The following RLN2 variants were observed in gnomAD, a reference collection of about 807,000 sequenced individuals.
The protein encoded by RLN2 is prorelaxin H2.
In RLN2, 10 loss-of-function variants were observed where a neutral mutation model predicts 7.3. That is an observed-to-expected ratio of 1.36 (90% CI 0.84 to 2.31). RLN2 has a LOEUF of 2.31. Among genes scored for constraint, RLN2 ranks in the 30% most tolerant of loss-of-function variants. The probability of loss-of-function intolerance (pLI) is 0.00; values close to 1 mark genes in which losing one functional copy is unlikely to be tolerated. For synonymous variants in RLN2, 103 were observed against 82.3 expected, an observed-to-expected ratio of 1.25 and a Z score of -1.36; for missense variants, 298 against 217.6, an observed-to-expected ratio of 1.37 and a Z score of -2.32.
chr9:5,320,253 T>C, the RLN2 span, among the ~76,000 whole-genome samples: 2 of 151,832 alleles, frequency 1.3e-5, no homozygotes, highest in Non-Finnish European at 2.9e-5. Context: ...CCCAATGTGC[T>C]GGGATTACAG....
the RLN2 span, among the ~76,000 whole-genome samples, chr9:5,312,261 C>T: frequency 3.3e-5 from 5 of 152,078 alleles, no homozygotes; most frequent in African/African-American, 1.2e-4. Flanking sequence ...TCTCCCTTTC[C>T]ATCTTTCAGC....
At chr9:5,313,230 G>A in the RLN2 span, among the ~76,000 whole-genome samples, 1 of 151,898 alleles carries the variant, frequency 6.6e-6, no homozygotes, top group South Asian at 2.1e-4. Context: ...ATTAATATTT[G>A]TGTTATGAAT....
At position 5,304,640 on chromosome 9, in the gene RLN2, G is replaced by A. The variant is rs1563735950; in HGVS notation, c.-60C>T. Reference sequence around the variant, plus strand: ...GCAGCCTTTCAGGACTGCAGCTGCTGTGGCCTACACACCTGGGCCTGTGTG... The same window carrying A: ...GCAGCCTTTCAGGACTGCAGCTGCTATGGCCTACACACCTGGGCCTGTGTG... On this transcript the variant is annotated 5_prime_UTR_variant, in exon 1 of 2. Transcript: ENST00000381627. The A allele has an allele frequency of 3.2e-6, 5 of 1,550,028 alleles. No individual in the cohort carries two copies. The highest frequency in any genetic ancestry group is 1.4e-5 in the African/African-American group (1 of 73,540).
the RLN2 span, among the ~76,000 whole-genome samples, chr9:5,328,819 A>C: frequency 2.0e-5 from 3 of 152,168 alleles, no homozygotes; most frequent in African/African-American, 7.2e-5. Flanking sequence ...AGAATCTCAT[A>C]TCCAGCCAAA....
the RLN2 span, among the ~76,000 whole-genome samples, chr9:5,312,224 G>C: frequency 6.6e-6 from 1 of 151,890 alleles, no homozygotes. Context: ...TTGTGGTATG[G>C]AAAAACAAAT....
the RLN2 span, among the ~76,000 whole-genome samples, chr9:5,316,311 CT>C: frequency 1.8e-4 from 28 of 151,738 alleles, 1 homozygote; most frequent in South Asian, 4.6e-3. Flanking sequence ...ACTGATTTCT[CT>C]TTTTTTTATT....
Position 5,300,371 on chromosome 9 carries a change from T to C in RLN2, c.285A>G (p.Pro95=). ...NMMSEFVANL[P]QELKLTLSEM... ...CAGACAGGGTTAACTTCAGCTCCTG[T>C]GGCAAATTAGCAACAAATTCTGACA... Residue 95 remains proline, a synonymous_variant, in exon 2 of 2, where the codon CCA becomes CCG. Transcript: ENST00000381627. 1 of 1,613,912 alleles carries C rather than the reference T, an allele frequency of 6.2e-7. No individual in the cohort carries two copies. The highest frequency in any genetic ancestry group is 8.5e-7 in the Non-Finnish European group (1 of 1,179,928).
upstream of RLN2, chr9:5,304,882 T>C (rs1448347157): frequency 5.3e-6 from 2 of 377,716 alleles, no homozygotes; most frequent in Non-Finnish European, 9.7e-6. Flanking sequence ...GTTCTTCTCA[T>C]TCATTACCCT....
At chr9:5,332,480 G>A in the RLN2 span, among the ~76,000 whole-genome samples, 1 of 151,912 alleles carries the variant, frequency 6.6e-6, no homozygotes, top group Non-Finnish European at 1.5e-5. Context: ...TTATTTTGTT[G>A]AATTTACATC....
At position 5,300,015 on chromosome 9, in the gene RLN2, G is replaced by C; in HGVS notation, c.*83C>G. On this transcript the variant is annotated 3_prime_UTR_variant, in exon 2 of 2. Coordinates refer to ENST00000381627, the MANE Select transcript of RLN2 (RefSeq NM_134441.3). ...AAGATTCTTAGATATTCTAAGAATT[G>C]ATGGGACCTGATAGAAGCATCAGTG... 1 of 804,876 alleles carries C rather than the reference G, an allele frequency of 1.2e-6. No individual in the cohort carries two copies. The allele number at this position is 804,876 out of a possible 1,614,324, so 49.9% of individuals were successfully genotyped here. A position where few individuals can be genotyped will look rare whatever the true frequency, so the allele number is the denominator to read the frequency against.
chr9:5,313,309 T>C, the RLN2 span, among the ~76,000 whole-genome samples: 11 of 152,096 alleles, frequency 7.2e-5, no homozygotes, highest in African/African-American at 2.7e-4. Flanking sequence ...GACCTTTTTA[T>C]CTCATTATAT....
At chr9:5,326,668 T>A in the RLN2 span, among the ~76,000 whole-genome samples, 1 of 152,070 alleles carries the variant, frequency 6.6e-6, no homozygotes, top group South Asian at 2.1e-4. Flanking sequence ...CAAATAGTGA[T>A]CTGAATCAGC....
the RLN2 span, among the ~76,000 whole-genome samples, chr9:5,328,806 A>G: frequency 3.3e-5 from 5 of 152,102 alleles, no homozygotes; most frequent in African/African-American, 1.2e-4. Context: ...ATTTTCAACA[A>G]TCAGAATCTC....
the RLN2 span, among the ~76,000 whole-genome samples, chr9:5,334,247 T>C: frequency 6.6e-6 from 1 of 152,042 alleles, no homozygotes; most frequent in Non-Finnish European, 1.5e-5. Flanking sequence ...GCAGATGACA[T>C]GGTCCTATTT....
chr9:5,323,627 G>A, the RLN2 span, among the ~76,000 whole-genome samples: 4 of 151,862 alleles, frequency 2.6e-5, no homozygotes, highest in Non-Finnish European at 5.9e-5. Context: ...CTATTACTTA[G>A]AAATGAATTG....
chr9:5,326,976 T>C, the RLN2 span, among the ~76,000 whole-genome samples: 209 of 152,140 alleles, frequency 1.4e-3, 8 homozygotes, highest in South Asian at 0.017. Context: ...CCCAGTGAGA[T>C]TGATGCAGAA....
chr9:5,334,086 A>G, the RLN2 span, among the ~76,000 whole-genome samples: 1 of 152,040 alleles, frequency 6.6e-6, no homozygotes, highest in Non-Finnish European at 1.5e-5. Context: ...AAAAGCTGGA[A>G]GCATTCCCCT....
At chr9:5,312,074 A>G in the RLN2 span, among the ~76,000 whole-genome samples, 1 of 151,956 alleles carries the variant, frequency 6.6e-6, no homozygotes, top group Non-Finnish European at 1.5e-5. Context: ...GAAGGGGCAT[A>G]TGTCACTAAT....
chr9:5,332,735 C>G, the RLN2 span, among the ~76,000 whole-genome samples: 1 of 151,694 alleles, frequency 6.6e-6, no homozygotes, highest in African/African-American at 2.4e-5. Context: ...CCTGCCTCAG[C>G]CTCCCGAGTA....
Sources: gnomAD v4.1 joint callset for allele counts (sites outside exome capture counted in the v4.1 genomes callset) on GRCh38, gnomAD v4.1.1 for gene constraint, MANE v1.5 for transcripts, NCBI Gene and HGNC (gene_info 2026-07-23, HGNC 2026-07-21) for gene names.